The following NCOR2 variants were observed in gnomAD, a reference collection of about 807,000 sequenced individuals.
The protein encoded by NCOR2 is nuclear receptor corepressor 2, also known as CTG repeat protein 26.
A neutral mutation model predicts 262.9 loss-of-function variants in NCOR2; 81 were observed. The observed-to-expected ratio is 0.31, with a 90% CI of 0.26 to 0.37. The LOEUF is 0.37. Ranked by LOEUF, NCOR2 falls within the 10% of genes least tolerant of loss-of-function variation. The probability of loss-of-function intolerance (pLI) is 1.00; values close to 1 mark genes in which losing one functional copy is unlikely to be tolerated. For synonymous variants in NCOR2, 1,659 were observed against 1,559.3 expected (o/e 1.06, Z -1.51); for missense variants, 3,385 against 3,621.4 (o/e 0.93, Z 1.68).
chr12:124,343,246 A>G lies in NCOR2; in HGVS notation c.4715-20T>C. On this transcript the variant is annotated intron_variant, in intron 32 of 46. Transcript: ENST00000405201. ...GGCTGCCTGTGGACGGGCAAGGTGG[A>G]TGCATCGGGCCTCTGGGGCTGGCAT... The G allele has an allele frequency of 6.2e-7, 1 of 1,602,226 alleles. No homozygotes were observed.
chr12:124,347,706 G>A, intron 30 of NCOR2, 119 bp downstream of exon 32: 1 of 934,468 alleles, frequency 1.1e-6, no homozygotes, highest in Non-Finnish European at 1.7e-6. Flanking sequence ...GTGTGCTGCA[G>A]GCCTTTCTGC....
At chr12:124,506,256 A>G (rs1196208380) in intron 1 of NCOR2, among the ~76,000 whole-genome samples, 1 of 152,200 alleles carries the variant, frequency 6.6e-6, no homozygotes, top group Non-Finnish European at 1.5e-5. Flanking sequence ...AAGGCCACAC[A>G]GTCAGGATAC....
chr12:124,386,280 G>C (rs947046659), intron 16 of NCOR2, among the ~76,000 whole-genome samples: 1 of 152,128 alleles, frequency 6.6e-6, no homozygotes, highest in Non-Finnish European at 1.5e-5. Flanking sequence ...TGGGCGGAGG[G>C]CCTGGCCTAC....
intron 1 of NCOR2, among the ~76,000 whole-genome samples, chr12:124,500,950 G>C (rs1593849834): frequency 6.6e-6 from 1 of 152,118 alleles, no homozygotes; most frequent in African/African-American, 2.4e-5. Context: ...AATGTTCTGG[G>C]AACTAATGGG....
At chr12:124,329,031 A>T (rs1166778281) in intron 44 of NCOR2, 2 of 453,266 alleles carry the variant, frequency 4.4e-6, no homozygotes, top group Non-Finnish European at 9.1e-6. Flanking sequence ...CTTCTACCCA[A>T]GGCCACGAGT....
intron 3 of NCOR2, among the ~76,000 whole-genome samples, chr12:124,473,767 T>G (rs1384342233): frequency 6.6e-6 from 1 of 152,068 alleles, no homozygotes; most frequent in African/African-American, 2.4e-5. Context: ...CTTTCTTTTT[T>G]AAATTGACCA....
rs1236501362 is a variant in NCOR2 at position 124,339,647 on chromosome 12, C to T, written c.5687+359G>A. On this transcript the variant is annotated intron_variant, in intron 37 of 46. Transcript: ENST00000405201. ...AACCCAACCACCTATCTGGCTAACCCGGCCATCTATCCTTCCACCCACCCA... is the reference window on the plus strand; with the variant it reads ...AACCCAACCACCTATCTGGCTAACCTGGCCATCTATCCTTCCACCCACCCA... Among the ~76,000 whole-genome samples the T allele has an allele frequency of 3.1e-5, 2 of 64,996 alleles. 1 individual carries two copies. Among genetic ancestry groups the T allele is most frequent in the Non-Finnish European group, 8.9e-5 (2 of 22,532 alleles). 42.6% of individuals were successfully genotyped at this position (64,996 alleles called of 152,430 possible).
chr12:124,336,545 C>G, intron 38 of NCOR2: 1 of 953,824 alleles, frequency 1.0e-6, no homozygotes, highest in Non-Finnish European at 1.2e-6. Flanking sequence ...ATACCAAAAC[C>G]AACAACAAAA....
At position 124,422,548 on chromosome 12, in the gene NCOR2, G is replaced by A. The variant is rs866634665; in HGVS notation, c.1336C>T (p.Gln446Ter). Reference sequence around the variant, plus strand: ...ATCAGGCCAAAGTTCTTGGGATGCTGCATGAACCTGCGGGACGAGAAGGGT... The same window carrying A: ...ATCAGGCCAAAGTTCTTGGGATGCTACATGAACCTGCGGGACGAGAAGGGT... Residue 446 changes from glutamine to a stop codon, truncating the protein, a stop_gained, in exon 12 of 47, where the codon CAG becomes TAG. Coordinates refer to ENST00000405201, the Ensembl canonical transcript of NCOR2. LOFTEE classifies it high-confidence loss of function. 6.2e-7 allele frequency: 1 copy of A among 1,613,974 alleles called. No homozygotes were observed. The highest frequency in any genetic ancestry group is 2.2e-5 in the East Asian group (1 of 44,874).
chr12:124,561,258 T>C (rs564130166), intron 1 of NCOR2, among the ~76,000 whole-genome samples: 226 of 152,306 alleles, frequency 1.5e-3, no homozygotes, highest in African/African-American at 5.1e-3. Context: ...GGAGTCACTA[T>C]GGCTGCACTG....
chr12:124,560,758 A>AACCGAGGGAGACTT (rs1594077818), intron 1 of NCOR2, among the ~76,000 whole-genome samples: 1 of 152,234 alleles, frequency 6.6e-6, no homozygotes, highest in East Asian at 1.9e-4. Context: ...GGAGGCCAGG[A>AACCGAGGGAGACTT]ACCGAGGGAG....
At chr12:124,347,792 G>T (rs1328030946) in intron 30 of NCOR2, 33 bp downstream of exon 32, 3 of 1,550,052 alleles carry the variant, frequency 1.9e-6, no homozygotes, top group East Asian at 4.9e-5. Context: ...ACACCCGTTG[G>T]GGGCAACGAG....
At chr12:124,494,250 C>G (rs2136898584) in intron 1 of NCOR2, among the ~76,000 whole-genome samples, 1 of 152,350 alleles carries the variant, frequency 6.6e-6, no homozygotes, top group East Asian at 1.9e-4. Context: ...CACGCACCCC[C>G]ACGGTGGCCG....
rs868231495 is a variant in NCOR2, at chr12:124,432,447, G to A, written c.883-1660C>T. 5.3e-5 allele frequency among the ~76,000 whole-genome samples: 8 copies of A among 152,256 alleles called. No homozygotes were observed. The highest frequency in any genetic ancestry group is 3.4e-3 in the Middle Eastern group (1 of 294). On this transcript the variant is annotated intron_variant, in intron 8 of 46. Coordinates refer to ENST00000405201, the Ensembl canonical transcript of NCOR2. The surrounding 1 kb of genome is among the most constrained non-coding windows in gnomAD (Gnocchi z 5.1). ...TGGCTCAACTGAAATCACAAATCCA[G>A]TAAAATTTAAGAGTCGGGCTCTAGT...
At chr12:124,340,616 G>A in exon 35 of NCOR2, 1 of 1,498,882 alleles carries the variant, frequency 6.7e-7, no homozygotes, top group Non-Finnish European at 8.9e-7. Flanking sequence ...GGAGAGTGGG[G>A]AGCTGCTGTG....
intron 3 of NCOR2, among the ~76,000 whole-genome samples, chr12:124,479,310 G>T (rs183722654): frequency 1.5e-4 from 22 of 149,766 alleles, no homozygotes; most frequent in Non-Finnish European, 2.5e-4. Context: ...GCACATGCAC[G>T]GACACATGCA....
At position 124,383,477 on chromosome 12, in the gene NCOR2, T is replaced by C. The variant is rs531912519; in HGVS notation, c.2019+2268A>G. ...TGCCTTAAGCATGGCCCGTGCCACC[T>C]TGGCCCAGTGCTCATACCTCCCACA... On this transcript the variant is annotated intron_variant, in intron 17 of 46. Coordinates refer to ENST00000405201, the Ensembl canonical transcript of NCOR2. 2.7e-5 allele frequency: 25 copies of C among 929,772 alleles called. No individual in the cohort carries two copies. The East Asian group carries it at 1.1e-3, about 40-fold the overall frequency. The allele number at this position is 929,772 out of a possible 1,614,324, so 57.6% of individuals were successfully genotyped here.
At chr12:124,469,657 TC>T (rs1280104203) in intron 4 of NCOR2, among the ~76,000 whole-genome samples, 1 of 152,146 alleles carries the variant, frequency 6.6e-6, no homozygotes, top group African/African-American at 2.4e-5. Flanking sequence ...GCCCTTCACC[TC>T]CCTGACCTCA....
rs776463961 is a variant in NCOR2 at position 124,346,553 on chromosome 12, C to G, written c.4359+11G>C. On this transcript the variant is annotated intron_variant, in intron 31 of 46. Transcript: ENST00000405201. ...TAGAACTGGGCCCGTGTGCCTGGCC[C>G]TGGGCCATACCTGCGTGATGGAGCC... 45 of 1,524,460 alleles carry G rather than the reference C, an allele frequency of 3.0e-5. No homozygotes were observed. Among genetic ancestry groups the G allele is most frequent in the Non-Finnish European group, 4.4e-6 (5 of 1,140,718 alleles). 94.4% of individuals were successfully genotyped at this position (1,524,460 alleles called of 1,614,324 possible).
Sources: gnomAD v4.1 joint callset for allele counts (sites outside exome capture counted in the v4.1 genomes callset) on GRCh38, gnomAD v4.1.1 for gene constraint, Gnocchi (gnomAD v3.1) non-coding constraint, MANE v1.5 for transcripts, NCBI Gene and HGNC (gene_info 2026-07-23, HGNC 2026-07-21) for gene names.